Variants in ECH1 observed in about 807,000 individuals in gnomAD.
The protein encoded by ECH1 is delta(3,5)-Delta(2,4)-dienoyl-CoA isomerase, mitochondrial.
A neutral mutation model predicts 37.0 loss-of-function variants in ECH1; 30 were observed. That is an observed-to-expected ratio of 0.81 (90% CI 0.61 to 1.10). The LOEUF (loss-of-function observed/expected upper bound fraction) is 1.10, where lower values mean the gene tolerates loss of function less well. Among genes scored for constraint, ECH1 ranks in the 50% least tolerant of loss-of-function variants. ECH1 has a pLI of 0.00. For missense variants in ECH1, 456 were observed against 441.6 expected (o/e 1.03, Z -0.29); for synonymous variants, 178 against 176.0 (o/e 1.01, Z -0.09).
rs748763697 is a variant in ECH1, at chr19:38,817,276, C to T, written c.523+40G>A. 2.7e-4 allele frequency: 419 copies of T among 1,531,404 alleles called. 1 individual carries two copies. Among genetic ancestry groups the T allele is most frequent in the Non-Finnish European group, 3.3e-4 (380 of 1,134,762 alleles). The allele number at this position is 1,531,404 out of a possible 1,614,324, so 94.9% of individuals were successfully genotyped here. ...CCGCGGCATCGGAGCAGCAGCCCCA[C>T]CTGGGGAGCACCCGAGCAGGAGGAT... On this transcript the variant is annotated intron_variant, in intron 5 of 9. Coordinates refer to ENST00000221418, the MANE Select transcript of ECH1 (RefSeq NM_001398.3).
At chr19:38,816,431 C>A (rs763381432) in intron 7 of ECH1, 22 bp downstream of exon 7, 2 of 1,613,996 alleles carry the variant, frequency 1.2e-6, no homozygotes, top group Non-Finnish European at 1.7e-6. Context: ...CCTGCCCACA[C>A]CCCCACACCC....
At chr19:38,816,960 C>T in intron 6 of ECH1, 105 bp downstream of exon 6, 9 of 1,291,518 alleles carry the variant, frequency 7.0e-6, no homozygotes, top group Non-Finnish European at 8.7e-6. Context: ...CTTACTTTGT[C>T]GGGTTCAACT....
chr19:38,827,882 T>C (rs755479599), intron 3 of ECH1, among the ~76,000 whole-genome samples: 4 of 152,014 alleles, frequency 2.6e-5, no homozygotes, highest in East Asian at 3.9e-4. Context: ...AGATTAGTTT[T>C]TAAATCTTTT....
intron 3 of ECH1, among the ~76,000 whole-genome samples, chr19:38,821,103 C>T (rs1411680923): frequency 1.3e-5 from 2 of 152,126 alleles, no homozygotes; most frequent in Non-Finnish European, 2.9e-5. Context: ...ACATAGCAAG[C>T]CCTGCCTCTA....
At position 38,829,362 on chromosome 19, in the gene ECH1, G is replaced by GAGGC. The variant is rs200611827; in HGVS notation, c.349+1712_349+1715dup. 9.9e-3 allele frequency among the ~76,000 whole-genome samples: 1,504 copies of GAGGC among 151,466 alleles called. 42 individuals are homozygous for GAGGC. Among genetic ancestry groups the GAGGC allele is most frequent in the East Asian group, 0.095 (486 of 5,138 alleles). On this transcript the variant is annotated intron_variant, in intron 3 of 9. Transcript: ENST00000221418. Reference sequence around the variant, plus strand: ...TGTAATCCCAGCTATGCAGGAGGCTGAGGCAGGAGAATTGCTTCAACCCAG... The same window carrying GAGGC: ...TGTAATCCCAGCTATGCAGGAGGCTGAGGCAGGCAGGAGAATTGCTTCAACCCAG...
intron 6 of ECH1, 195 bp downstream of exon 6, chr19:38,816,870 T>C (rs1971584427): frequency 4.4e-6 from 3 of 685,430 alleles, no homozygotes; most frequent in Middle Eastern, 2.6e-4. Flanking sequence ...AATCTCTGCC[T>C]CTGACACCTG....
At position 38,816,323 on chromosome 19, in the gene ECH1, T is replaced by C. The variant is rs771035400; in HGVS notation, c.692A>G (p.Lys231Arg). The change falls in exon 8 of 10, where the codon AAG becomes AGG. Residue 231 changes from lysine to arginine, a missense_variant. Coordinates refer to ENST00000221418, the MANE Select transcript of ECH1 (RefSeq NM_001398.3). ...LVNELAFTAR[K>R]MMADEALGSG... Reference sequence around the variant, plus strand: ...GCCCAGGGCCTCGTCAGCCATCATCTTGCGGGCGGTGAAGGCCAGCTCGTT... The same window carrying C: ...GCCCAGGGCCTCGTCAGCCATCATCCTGCGGGCGGTGAAGGCCAGCTCGTT... The C allele has an allele frequency of 4.3e-6, 7 of 1,613,806 alleles. 1 individual carries two copies. The South Asian group carries it at 7.7e-5, about 18-fold the overall frequency.
At chr19:38,820,051 T>TA in intron 3 of ECH1, 173 of 448,836 alleles carry the variant, frequency 3.9e-4, no homozygotes, top group South Asian at 6.2e-4. Context: ...AAGTCCCCCT[T>TA]ACTTTTTTTT....
At position 38,815,682 on chromosome 19, in the gene ECH1, G is replaced by A. The variant is rs1971561905; in HGVS notation, c.918C>T (p.Asp306=). The A allele has an allele frequency of 6.2e-7, 1 of 1,614,218 alleles. No individual in the cohort carries two copies. Among genetic ancestry groups the A allele is most frequent in the Non-Finnish European group, 8.5e-7 (1 of 1,180,042 alleles). The change falls in exon 10 of 10, where the codon GAC becomes GAT. Residue 306 remains aspartate (D), a synonymous_variant. Coordinates refer to ENST00000221418, the MANE Select transcript of ECH1 (RefSeq NM_001398.3). ...TCGTGGCCTGGACCGACTTCACGAG[G>A]TCTTGGGTCTGCAGCATGCTCATGT... ...SWNMSMLQTQ[D]LVKSVQATTE... is the part of the protein sequence containing the mutation.
In ECH1 at chr19:38,817,357, T is replaced by G. The variant is rs1376182455; in HGVS notation, c.482A>C (p.Lys161Thr). The change falls in exon 5 of 10, where the codon AAG becomes ACG. Residue 161 changes from lysine (K) to threonine (T), a missense_variant. By Grantham distance (78) the Lys-to-Thr change is moderately conservative. Transcript: ENST00000221418. ...CCCATGGACGGCAGCAATCACGGGC[T>G]TGGGGCACTGAGAGGGAACAGGAAG... The part of the protein sequence containing the change: ...ETFNVIERCP[K>T]PVIAAVHGGC... 5.0e-6 allele frequency: 8 copies of G among 1,592,446 alleles called. No homozygotes were observed. The highest frequency in any genetic ancestry group is 6.8e-6 in the Non-Finnish European group (8 of 1,169,156).
intron 3 of ECH1, among the ~76,000 whole-genome samples, chr19:38,821,411 T>C (rs868623535): frequency 6.6e-6 from 1 of 152,240 alleles, no homozygotes; most frequent in Non-Finnish European, 1.5e-5. Context: ...TGAGGAGCCC[T>C]TCAGCCTGCT....
chr19:38,815,619 C>T lies in ECH1; in HGVS notation c.981G>A (p.Lys327=), dbSNP rs1345931395. The part of the protein sequence containing the change: ...NKELKTVTFS[K]L ...GCCTGGGACGCGAGGGCTCTCAGAG[C>T]TTGGAGAAGGTGACGGTTTTCAGTT... Residue 327 remains lysine, a synonymous_variant, in exon 10 of 10, where the codon AAG becomes AAA. Coordinates refer to ENST00000221418, the MANE Select transcript of ECH1 (RefSeq NM_001398.3). 3 of 1,614,206 alleles carry T rather than the reference C, an allele frequency of 1.9e-6. No individual in the cohort carries two copies. The Admixed American group carries it at 5.0e-5, about 27-fold the overall frequency.
intron 3 of ECH1, among the ~76,000 whole-genome samples, chr19:38,825,315 G>A (rs980616550): frequency 3.3e-5 from 5 of 152,146 alleles, no homozygotes; most frequent in African/African-American, 9.7e-5. Context: ...GAAGGACTAA[G>A]GAGAATTAGA....
chr19:38,831,602 C>A (rs769137612), intron 1 of ECH1, 86 bp from the exon 2 acceptor site: 53 of 1,550,366 alleles, frequency 3.4e-5, no homozygotes, highest in Non-Finnish European at 4.6e-5. Flanking sequence ...AGGGAGCACA[C>A]GCACCCCTGA....
At position 38,816,515 on chromosome 19, in the gene ECH1, G is replaced by A. The variant is rs776060244; in HGVS notation, c.597C>T (p.Asp199=). ...QDAFFQVKEV[D]VGLAADVGTL... The stretch of plus-strand genomic sequence containing the variant: ...TTCCTACATCGGCAGCCAAACCCAC[G>A]TCCACCTCCTGGGGGAGGAATCGGG... The change falls in exon 7 of 10, where the codon GAC becomes GAT. Residue 199 remains aspartate, a synonymous_variant. Coordinates refer to ENST00000221418, the MANE Select transcript of ECH1 (RefSeq NM_001398.3). 10 of 1,613,990 alleles carry A rather than the reference G, an allele frequency of 6.2e-6. No homozygotes were observed. Among genetic ancestry groups the A allele is most frequent in the Middle Eastern group, 1.6e-4 (1 of 6,084 alleles).
chr19:38,830,933 C>T, intron 3 of ECH1, 145 bp downstream of exon 3: 1 of 689,006 alleles, frequency 1.5e-6, no homozygotes, highest in Non-Finnish European at 2.4e-6. Flanking sequence ...TCCAGCGTGG[C>T]AACAGAGCAA....
intron 3 of ECH1, among the ~76,000 whole-genome samples, chr19:38,828,277 G>C (rs1354962060): frequency 2.0e-5 from 3 of 152,122 alleles, no homozygotes; most frequent in African/African-American, 7.2e-5. Context: ...TGTCACCAAG[G>C]CTGGAGTGCA....
intron 3 of ECH1, among the ~76,000 whole-genome samples, chr19:38,820,747 G>A (rs980898652): frequency 2.0e-5 from 3 of 152,036 alleles, no homozygotes; most frequent in Non-Finnish European, 4.4e-5. Flanking sequence ...AGATAAGACG[G>A]CCACATTCAG....
intron 3 of ECH1, 124 bp downstream of exon 3, chr19:38,830,954 C>CAAAAA: frequency 5.7e-6 from 4 of 696,350 alleles, no homozygotes; most frequent in African/African-American, 4.4e-5. Flanking sequence ...GACCCCGTCT[C>CAAAAA]AAAAAAAAAA....
Sources: allele counts gnomAD v4.1 joint callset (sites outside exome capture counted in the v4.1 genomes callset), GRCh38; gene constraint gnomAD v4.1.1; transcripts MANE v1.5; gene names NCBI Gene and HGNC (gene_info 2026-07-23, HGNC 2026-07-21).